Variants in CHD1L observed in about 807,000 individuals in gnomAD.
CHD1L encodes the protein ATP-dependent chromatin remodeler CHD1L.
In CHD1L, 118 loss-of-function variants were observed where a neutral mutation model predicts 115.9. The ratio of observed to expected loss-of-function variants is 1.02; its 90% confidence interval spans 0.88 to 1.19. The LOEUF is 1.19. Among genes scored for constraint, CHD1L ranks in the 50% most tolerant of loss-of-function variants. CHD1L has a pLI of 0.00. For synonymous variants in CHD1L, 411 were observed against 387.1 expected (o/e 1.06, Z -0.72); for missense variants, 1,179 against 1,065.3 (o/e 1.11, Z -1.49).
At chr1:147,203,232 C>G in the CHD1L span, 1 of 1,054,446 alleles carries the variant, frequency 9.5e-7, no homozygotes, top group African/African-American at 1.6e-5. Flanking sequence ...TAGAATACTA[C>G]TACAAATACA....
intron 3 of CHD1L, 84 bp downstream of exon 3, chr1:147,255,060 A>G: frequency 9.8e-7 from 1 of 1,016,446 alleles, no homozygotes; most frequent in Non-Finnish European, 1.4e-6. Flanking sequence ...ATGATAAAAC[A>G]ACCTATTGTC....
chr1:147,282,554 G>A (rs1489917586), intron 15 of CHD1L, among the ~76,000 whole-genome samples: 1 of 152,082 alleles, frequency 6.6e-6, no homozygotes, highest in South Asian at 2.1e-4. Context: ...TTTCCAAAAG[G>A]TTCTTGAACT....
At chr1:147,267,312 T>C (rs906802635) in intron 8 of CHD1L, 114 bp from the exon 9 acceptor site, 12 of 690,544 alleles carry the variant, frequency 1.7e-5, no homozygotes, top group Non-Finnish European at 2.4e-5. Flanking sequence ...TTAGTATAGG[T>C]TCAAAGGATA....
intron 12 of CHD1L, among the ~76,000 whole-genome samples, chr1:147,273,605 C>T (rs1310856164): frequency 6.6e-6 from 1 of 152,192 alleles, no homozygotes; most frequent in African/African-American, 2.4e-5. Flanking sequence ...TCAGGCAGTG[C>T]ATCATCACTG....
the CHD1L span, among the ~76,000 whole-genome samples, chr1:147,189,826 C>T: frequency 1.3e-5 from 2 of 152,160 alleles, no homozygotes; most frequent in South Asian, 4.1e-4. Context: ...CATTCATTTA[C>T]TGTCACTCTT....
the CHD1L span, among the ~76,000 whole-genome samples, chr1:147,202,309 G>GTCTTTTT: frequency 8.4e-6 from 1 of 118,434 alleles, no homozygotes; most frequent in Non-Finnish European, 1.7e-5. Flanking sequence ...CTAAAAAGCA[G>GTCTTTTT]TTCTTTTTTT....
At chr1:147,197,686 C>A in the CHD1L span, among the ~76,000 whole-genome samples, 5 of 152,082 alleles carry the variant, frequency 3.3e-5, no homozygotes, top group Non-Finnish European at 7.3e-5. Context: ...CTGAGGCCTC[C>A]CCAGCCATGC....
At chr1:147,290,820 TTTC>T (rs1424119977) in intron 19 of CHD1L, among the ~76,000 whole-genome samples, 1 of 151,870 alleles carries the variant, frequency 6.6e-6, no homozygotes, top group Non-Finnish European at 1.5e-5. Flanking sequence ...AACCTAACTT[TTTC>T]TTATTTTTTG....
At chr1:147,259,481 A>G (rs1337315263) in intron 5 of CHD1L, 1 of 161,346 alleles carries the variant, frequency 6.2e-6, no homozygotes, top group Non-Finnish European at 1.4e-5. Flanking sequence ...AATGAGCACA[A>G]TTGTCTGCTT....
At chr1:147,234,872 T>G in the CHD1L span, among the ~76,000 whole-genome samples, 1 of 152,196 alleles carries the variant, frequency 6.6e-6, no homozygotes, top group Non-Finnish European at 1.5e-5. Context: ...CAAGCACATT[T>G]AAAGCTTCAA....
intron 19 of CHD1L, among the ~76,000 whole-genome samples, chr1:147,289,683 T>G (rs1443203692): frequency 6.6e-6 from 1 of 152,204 alleles, no homozygotes; most frequent in East Asian, 1.9e-4. Flanking sequence ...TTTGAATAGG[T>G]GGAGAGAAAT....
chr1:147,270,437 G>C (rs1675701977), intron 10 of CHD1L, among the ~76,000 whole-genome samples: 1 of 152,108 alleles, frequency 6.6e-6, no homozygotes, highest in Non-Finnish European at 1.5e-5. Context: ...GTAGATGAGA[G>C]GATAGTGACT....
chr1:147,237,560 G>A, the CHD1L span, among the ~76,000 whole-genome samples: 2 of 152,176 alleles, frequency 1.3e-5, no homozygotes, highest in East Asian at 3.9e-4. Context: ...GAAGGAGGCA[G>A]GGCCTCCACC....
the CHD1L span, among the ~76,000 whole-genome samples, chr1:147,187,869 G>T: frequency 6.6e-6 from 1 of 152,212 alleles, no homozygotes; most frequent in African/African-American, 2.4e-5. Context: ...ATATCTGTGT[G>T]GTGGAGTGGG....
At chr1:147,292,536 T>G (rs146250336) in intron 20 of CHD1L, among the ~76,000 whole-genome samples, 3 of 152,204 alleles carry the variant, frequency 2.0e-5, no homozygotes, top group African/African-American at 7.2e-5. Flanking sequence ...TTTTGCACTG[T>G]GATAAAAGAA....
chr1:147,188,253 T>A, the CHD1L span, among the ~76,000 whole-genome samples: 1 of 152,170 alleles, frequency 6.6e-6, no homozygotes, highest in Non-Finnish European at 1.5e-5. Context: ...TTGGGCGTGG[T>A]GTTTCATGCC....
rs587714193 is a variant in CHD1L at position 147,260,099 on chromosome 1, A to T, written c.576+181A>T. The T allele has an allele frequency of 1.3e-4, 60 of 474,654 alleles. 1 individual carries two copies. In the South Asian group the frequency reaches 2.1e-3, roughly 16 times the overall value. The allele number at this position is 474,654 out of a possible 1,614,324, so 29.4% of individuals were successfully genotyped here. Reference sequence around the variant, plus strand: ...CCACACTTGTACAGCTTCACCCATTATCAACATACCCCACCAGAGTGGCAC... The same window carrying T: ...CCACACTTGTACAGCTTCACCCATTTTCAACATACCCCACCAGAGTGGCAC... On this transcript the variant is annotated intron_variant, in intron 6 of 22. Coordinates refer to ENST00000369258, the MANE Select transcript of CHD1L (RefSeq NM_004284.6).
At chr1:147,199,920 TA>T in the CHD1L span, among the ~76,000 whole-genome samples, 1 of 152,184 alleles carries the variant, frequency 6.6e-6, no homozygotes, top group Non-Finnish European at 1.5e-5. Context: ...TAGTTTTAAT[TA>T]AATGCTAGTA....
In CHD1L at chr1:147,286,330, CCTT is replaced by C. The variant is rs782254736; in HGVS notation, c.2054_2056del (p.Phe685del). 1 of 1,614,112 alleles carries C rather than the reference CCTT, an allele frequency of 6.2e-7. No individual in the cohort carries two copies. The highest frequency in any genetic ancestry group is 1.1e-5 in the South Asian group (1 of 91,074). On this transcript the variant is annotated inframe_deletion, in exon 18 of 23. Transcript: ENST00000369258. ...TGGTGGGAATCCAACAATTACCAGTCCTTCTGCCTGCCCTCTGAGGAGAGCGAG... is the reference window on the plus strand; with the variant it reads ...TGGTGGGAATCCAACAATTACCAGTCCTGCCTGCCCTCTGAGGAGAGCGAG...
Sources: allele counts gnomAD v4.1 joint callset (sites outside exome capture counted in the v4.1 genomes callset), GRCh38; gene constraint gnomAD v4.1.1; transcripts MANE v1.5; gene names NCBI Gene and HGNC (gene_info 2026-07-23, HGNC 2026-07-21).